LRR1: variants seen among roughly 807,000 people sequenced by gnomAD.
The protein encoded by LRR1 is leucine rich repeat protein 1.
Under a neutral mutation model 31.6 loss-of-function variants are expected in LRR1, and 29 were observed. That is an observed-to-expected ratio of 0.92 (90% CI 0.68 to 1.25). LRR1 has a LOEUF of 1.25. Among genes scored for constraint, LRR1 ranks in the 50% most tolerant of loss-of-function variants. The pLI, the probability that LRR1 is intolerant of heterozygous loss-of-function variation, is 0.00. For synonymous variants in LRR1, 179 were observed against 181.4 expected (o/e 0.99, Z 0.10); for missense variants, 485 against 487.2 (o/e 1.00, Z 0.04).
At chr14:49,601,121 C>G in intron 1 of LRR1, 2 of 1,610,732 alleles carry the variant, frequency 1.2e-6, no homozygotes, top group Non-Finnish European at 8.5e-7. Context: ...ATGGGCCATA[C>G]CTGAGGAGAG....
chr14:49,603,548 TG>T (rs1882157877), intron 2 of LRR1: 2 of 177,934 alleles, frequency 1.1e-5, no homozygotes, highest in Non-Finnish European at 2.1e-5. Flanking sequence ...TTTTTTTTTT[TG>T]AGATGGAGTC....
chr14:49,604,171 T>TAA (rs1226107244), intron 2 of LRR1, among the ~76,000 whole-genome samples: 1 of 148,702 alleles, frequency 6.7e-6, no homozygotes, highest in Non-Finnish European at 1.5e-5. Context: ...CCAGGCGTGG[T>TAA]TTTCACACCT....
intron 3 of LRR1, among the ~76,000 whole-genome samples, chr14:49,610,509 C>A (rs1270922517): frequency 6.6e-6 from 1 of 152,064 alleles, no homozygotes; most frequent in Non-Finnish European, 1.5e-5. Context: ...CCTGGCTTGG[C>A]CTCCCAAAGT....
intron 3 of LRR1, chr14:49,612,525 G>A: frequency 8.1e-7 from 1 of 1,236,432 alleles, no homozygotes; most frequent in Non-Finnish European, 1.0e-6. Flanking sequence ...CTCCCTGGCA[G>A]AGTTTTTTAA....
Position 49,598,968 on chromosome 14 carries a change from G to C in LRR1, c.-53G>C. 2 of 1,545,668 alleles carry C rather than the reference G, an allele frequency of 1.3e-6. No individual in the cohort carries two copies. The highest frequency in any genetic ancestry group is 1.2e-5 in the South Asian group (1 of 83,302). On this transcript the variant is annotated 5_prime_UTR_variant, in exon 1 of 4. Transcript: ENST00000298288. ...GACCCCGATGGCGGCGCCGGGTGGCGGGAAGGAGGAAGTTTCAAAGCCAGC... is the reference window on the plus strand; with the variant it reads ...GACCCCGATGGCGGCGCCGGGTGGCCGGAAGGAGGAAGTTTCAAAGCCAGC...
At chr14:49,605,405 A>G (rs1297972641) in intron 2 of LRR1, among the ~76,000 whole-genome samples, 1 of 152,174 alleles carries the variant, frequency 6.6e-6, no homozygotes, top group Non-Finnish European at 1.5e-5. Context: ...AAAAGAAAAC[A>G]AATTTCTAGA....
rs773076282 is a variant in LRR1 at position 49,599,169 on chromosome 14, C to G, written c.149C>G (p.Ser50Cys). Residue 50 changes from serine (S) to cysteine (C), a missense_variant, in exon 1 of 4, where the codon TCC becomes TGC. Ser to Cys is a moderately radical substitution (Grantham distance 112, BLOSUM62 -1). This residue lies in a region of LRR1 where 260 missense variants were observed against 249.6 expected (regional missense o/e 1.04). Coordinates refer to ENST00000298288, the MANE Select transcript of LRR1 (RefSeq NM_152329.4). ...QPPVRAFLLI[S>C]TLKDKRGTRY... ...CCGGTCCGAGCCTTCCTGCTCATCT[C>G]CACCCTGAAGGACAAGCGCGGGACC... The G allele has an allele frequency of 9.1e-5, 147 of 1,608,854 alleles. No individual in the cohort carries two copies. The highest frequency in any genetic ancestry group is 1.2e-4 in the Non-Finnish European group (143 of 1,178,020).
intron 2 of LRR1, among the ~76,000 whole-genome samples, chr14:49,606,649 A>AT (rs58159657): frequency 4.2e-4 from 61 of 145,196 alleles, no homozygotes; most frequent in East Asian, 1.9e-3. Flanking sequence ...TTAAACTCAA[A>AT]TTTTTTTTTT....
intron 1 of LRR1, among the ~76,000 whole-genome samples, chr14:49,601,275 T>G (rs1333490426): frequency 6.6e-6 from 1 of 152,236 alleles, no homozygotes; most frequent in Non-Finnish European, 1.5e-5. Flanking sequence ...ATATTTGTTA[T>G]GCTTATAAGT....
chr14:49,607,532 G>T lies in LRR1; in HGVS notation c.415G>T (p.Val139Phe). ...ATTTGAAAACTTTAAAACTAAAATG[G>T]TTATCACATCCAAAAAAGACTATCC... ...SEFENFKTKMVITSKKDYPLS... is the reference protein window; with the variant it reads ...SEFENFKTKMFITSKKDYPLS... The change falls in exon 3 of 4, where the codon GTT becomes TTT. Residue 139 changes from valine to phenylalanine, a missense_variant. Transcript: ENST00000298288. The T allele has an allele frequency of 1.2e-6, 2 of 1,614,064 alleles. No individual in the cohort carries two copies. Among genetic ancestry groups the T allele is most frequent in the Non-Finnish European group, 1.7e-6 (2 of 1,180,000 alleles).
intron 2 of LRR1, 86 bp from the exon 3 acceptor site, chr14:49,607,314 A>T: frequency 7.7e-7 from 1 of 1,303,180 alleles, no homozygotes; most frequent in Non-Finnish European, 1.0e-6. Flanking sequence ...TTCATAAGTA[A>T]TGCCATAGAA....
intron 3 of LRR1, chr14:49,612,448 CTGT>C: frequency 1.7e-6 from 2 of 1,202,250 alleles, no homozygotes; most frequent in Non-Finnish European, 1.1e-6. Flanking sequence ...CAGTTTTTAA[CTGT>C]TGTCTGTTTC....
intron 1 of LRR1, chr14:49,601,581 C>T (rs11625804): frequency 1.6e-6 from 2 of 1,269,016 alleles, no homozygotes; most frequent in Non-Finnish European, 1.0e-6. Flanking sequence ...GATTCCTGCT[C>T]TCATGGAGTT....
rs1395712400 is a variant in LRR1 at position 49,602,366 on chromosome 14, G to T, written c.184-4G>T. The T allele has an allele frequency of 6.2e-6, 10 of 1,609,080 alleles. No individual in the cohort carries two copies. Among genetic ancestry groups the T allele is most frequent in the Non-Finnish European group, 8.5e-6 (10 of 1,176,816 alleles). On this transcript the variant is annotated splice_polypyrimidine_tract_variant and splice_region_variant and intron_variant, in intron 1 of 3. Coordinates refer to ENST00000298288, the MANE Select transcript of LRR1 (RefSeq NM_152329.4). ...CTTCTTTTTTTTCTATTGGTTTTAT[G>T]CAGCTAAGGGAGAACATTGAGCAAT...
At chr14:49,610,504 C>T (rs1951977623) in intron 3 of LRR1, among the ~76,000 whole-genome samples, 1 of 151,892 alleles carries the variant, frequency 6.6e-6, no homozygotes. Context: ...ATCCACCTGG[C>T]TTGGCCTCCC....
chr14:49,603,520 C>CT, intron 2 of LRR1: 1 of 144,938 alleles, frequency 6.9e-6, no homozygotes, highest in South Asian at 8.2e-5. Context: ...CTTTCTTCTT[C>CT]TTCTTTTTTT....
chr14:49,614,579 G>C lies in LRR1; in HGVS notation c.*83G>C, dbSNP rs749478204. On this transcript the variant is annotated 3_prime_UTR_variant, in exon 4 of 4. Transcript: ENST00000298288. ...TTTTGCAGCGTCAAATTGGAGTAAG[G>C]GAAGATTTCTGTATACTTGCTGGAG... The C allele has an allele frequency of 7.7e-6, 12 of 1,560,618 alleles. No homozygotes were observed. The highest frequency in any genetic ancestry group is 1.1e-5 in the Non-Finnish European group (12 of 1,137,722).
intron 2 of LRR1, among the ~76,000 whole-genome samples, chr14:49,606,399 C>T (rs1372500770): frequency 6.8e-6 from 1 of 146,368 alleles, no homozygotes; most frequent in Admixed American, 6.8e-5. Flanking sequence ...AGTGCAGTGG[C>T]GCGATCTCGG....
At chr14:49,602,974 T>C (rs1882123853) in intron 2 of LRR1, among the ~76,000 whole-genome samples, 1 of 151,550 alleles carries the variant, frequency 6.6e-6, no homozygotes, top group Non-Finnish European at 1.5e-5. Context: ...TAGCTGGGAT[T>C]ACAGACACCC....
Sources: allele counts gnomAD v4.1 joint callset (sites outside exome capture counted in the v4.1 genomes callset), GRCh38; gene constraint gnomAD v4.1.1; regional missense constraint gnomAD v4.1.1; transcripts MANE v1.5; gene names NCBI Gene and HGNC (gene_info 2026-07-23, HGNC 2026-07-21).